Variants in RNF216 observed in about 807,000 individuals in gnomAD.
RNF216 encodes the protein ring finger protein 216.
In RNF216, 72 loss-of-function variants were observed where a neutral mutation model predicts 110.8. The ratio of observed to expected loss-of-function variants is 0.65; its 90% CI spans 0.54 to 0.79. The LOEUF is 0.79. RNF216 is among the 30% of genes least tolerant of loss of function. RNF216 has a pLI of 0.00. For missense variants in RNF216, 1,342 were observed against 1,141.2 expected (o/e 1.18, Z -2.54); for synonymous variants, 495 against 407.5 (o/e 1.21, Z -2.59).
At chr7:5,694,530 C>G (rs188152813) in intron 13 of RNF216, among the ~76,000 whole-genome samples, 1 of 152,230 alleles carries the variant, frequency 6.6e-6, no homozygotes, top group Non-Finnish European at 1.5e-5. Context: ...GTTCCAACAT[C>G]TGCTATGAGA....
In RNF216 at chr7:5,696,085, G is replaced by T. The variant is rs796295701; in HGVS notation, c.2061+15676C>A. ...TTGATCCCTGACTCCCAGGAGGCACGGAAGGACAAGAAAGCAGCCACCAGC... is the reference window on the plus strand; with the variant it reads ...TTGATCCCTGACTCCCAGGAGGCACTGAAGGACAAGAAAGCAGCCACCAGC... On this transcript the variant is annotated intron_variant, in intron 13 of 16. Coordinates refer to ENST00000389902, the MANE Select transcript of RNF216 (RefSeq NM_207111.4). The surrounding 1 kb of genome is among the most constrained non-coding windows in gnomAD (Gnocchi z 5.4). 4.7e-4 allele frequency among the ~76,000 whole-genome samples: 72 copies of T among 152,262 alleles called. No individual in the cohort carries two copies. The highest frequency in any genetic ancestry group is 1.7e-3 in the African/African-American group (71 of 41,550).
chr7:5,767,868 G>C (rs1796286021), intron 1 of RNF216, among the ~76,000 whole-genome samples: 1 of 152,088 alleles, frequency 6.6e-6, no homozygotes, highest in African/African-American at 2.4e-5. Context: ...CAAAGTACTG[G>C]GATTACAGGC....
Position 5,752,996 on chromosome 7 carries a change from A to T in RNF216, c.68-17T>A, listed in dbSNP as rs1795412754. ...TGATCCACTCTACAGGAAAGCAGAG[A>T]ACACTGTTACTGGGAGGTTGGCACT... On this transcript the variant is annotated splice_polypyrimidine_tract_variant and intron_variant, in intron 2 of 16. Transcript: ENST00000389902. 2 of 1,601,816 alleles carry T rather than the reference A, an allele frequency of 1.2e-6. No homozygotes were observed. Among genetic ancestry groups the T allele is most frequent in the Non-Finnish European group, 8.5e-7 (1 of 1,175,310 alleles).
chr7:5,737,966 T>C (rs1794524435), intron 5 of RNF216, among the ~76,000 whole-genome samples: 1 of 151,618 alleles, frequency 6.6e-6, no homozygotes, highest in African/African-American at 2.4e-5. Flanking sequence ...AGTACGCCTG[T>C]AATGCCAGCT....
Position 5,741,562 on chromosome 7 carries a change from G to C in RNF216, c.455C>G (p.Thr152Arg). 1 of 1,614,126 alleles carries C rather than the reference G, an allele frequency of 6.2e-7. No individual in the cohort carries two copies. The highest frequency in any genetic ancestry group is 2.2e-5 in the East Asian group (1 of 44,876). The change falls in exon 4 of 17, where the codon ACA (threonine) becomes AGA (arginine). Residue 152 changes from threonine (T) to arginine (R), a missense_variant. By Grantham distance (71) the Thr-to-Arg change is moderately conservative. Transcript: ENST00000389902. The stretch of plus-strand genomic sequence containing the variant: ...CGGTCCAGGCTTGGGTTCTCTTTCT[G>C]TTTGGCCACTTGGCTTAGTGAATTC... Reference protein sequence around the residue: ...ISEFTKPSGQTEREPKPGPSH... With the variant: ...ISEFTKPSGQREREPKPGPSH...
At chr7:5,644,116 G>C (rs1048489985) in intron 14 of RNF216, among the ~76,000 whole-genome samples, 7 of 151,542 alleles carry the variant, frequency 4.6e-5, no homozygotes, top group Non-Finnish European at 8.8e-5. Context: ...TTTGCTTTTT[G>C]GCTGGTGTGA....
chr7:5,770,024 CAAAAAAAAAAAAAAAA>C (rs1163710982), intron 1 of RNF216, among the ~76,000 whole-genome samples: 121 of 24,146 alleles, frequency 5.0e-3, no homozygotes, highest in African/African-American at 0.021. Flanking sequence ...AGACCCATCT[CAAAAAAAAAAAAAAAA>C]AAAAAAAAAA....
chr7:5,761,792 A>G (rs1795949347), intron 1 of RNF216, among the ~76,000 whole-genome samples: 1 of 152,184 alleles, frequency 6.6e-6, no homozygotes, highest in African/African-American at 2.4e-5. Flanking sequence ...TCACAAAAAA[A>G]AAAAAAAGGA....
chr7:5,756,112 T>C (rs1032213696), intron 2 of RNF216, among the ~76,000 whole-genome samples: 1 of 151,610 alleles, frequency 6.6e-6, no homozygotes. Context: ...GCTCTCGTGA[T>C]AGTGAGTGAG....
intron 13 of RNF216, among the ~76,000 whole-genome samples, chr7:5,658,438 C>T (rs1046425486): frequency 9.9e-5 from 15 of 152,030 alleles, no homozygotes; most frequent in African/African-American, 3.6e-4. Context: ...GGGCAGATCA[C>T]GTAAGCCCAG....
chr7:5,698,807 C>A (rs998216331), intron 13 of RNF216, among the ~76,000 whole-genome samples: 2 of 152,192 alleles, frequency 1.3e-5, no homozygotes, highest in Non-Finnish European at 2.9e-5. Flanking sequence ...AGGAAACCTT[C>A]CCTCCTCTAG....
intron 14 of RNF216, among the ~76,000 whole-genome samples, chr7:5,648,038 G>A (rs1434248547): frequency 2.0e-5 from 3 of 152,002 alleles, no homozygotes; most frequent in Non-Finnish European, 4.4e-5. Flanking sequence ...AATTTGAGAT[G>A]CACAGAGCCA....
intron 11 of RNF216, 123 bp from the exon 12 acceptor site, chr7:5,712,986 C>A: frequency 1.1e-6 from 1 of 889,794 alleles, no homozygotes; most frequent in South Asian, 1.9e-5. Context: ...GCCTGTTCAT[C>A]TCTGAGAAAT....
Position 5,624,658 on chromosome 7 carries a change from G to A in RNF216, c.2383-533C>T, listed in dbSNP as rs867163822. On this transcript the variant is annotated intron_variant, in intron 15 of 16. Coordinates refer to ENST00000389902, the MANE Select transcript of RNF216 (RefSeq NM_207111.4). This position sits in a 1 kb window ranked among gnomAD's most constrained non-coding sequence, Gnocchi z 4.4. ...GGCCTCGGGGAGAGGAGGAAGGTGC[G>A]ACAGTGAGGATGGTCCCCCTCGGAC... is the stretch of plus-strand genomic sequence containing the variant. Among the ~76,000 whole-genome samples, 4 of 152,250 alleles carry A rather than the reference G, an allele frequency of 2.6e-5. No individual in the cohort carries two copies. The highest frequency in any genetic ancestry group is 4.1e-4 in the South Asian group (2 of 4,832).
At chr7:5,633,794 G>A (rs75943063) in intron 15 of RNF216, among the ~76,000 whole-genome samples, 2,249 of 152,212 alleles carry the variant, frequency 0.015, 47 homozygotes, top group African/African-American at 0.051. Context: ...CAAGCACCCG[G>A]CCTTTCCAGA....
chr7:5,674,464 T>C, intron 13 of RNF216, among the ~76,000 whole-genome samples: 1 of 145,532 alleles, frequency 6.9e-6, no homozygotes, highest in Non-Finnish European at 1.5e-5. Flanking sequence ...GCCCTACATC[T>C]CTTAAAAAAA....
chr7:5,750,711 T>C (rs778132195), intron 3 of RNF216, among the ~76,000 whole-genome samples: 4 of 152,292 alleles, frequency 2.6e-5, no homozygotes, highest in East Asian at 1.9e-4. Flanking sequence ...GCAAACCACA[T>C]TGGAGCAAGA....
intron 13 of RNF216, among the ~76,000 whole-genome samples, chr7:5,674,770 C>G (rs369357994): frequency 6.6e-6 from 1 of 152,170 alleles, no homozygotes; most frequent in East Asian, 1.9e-4. Context: ...CCGAGGTTGG[C>G]AGATCACCTG....
chr7:5,656,478 C>T (rs1446378495), intron 13 of RNF216, among the ~76,000 whole-genome samples: 1 of 152,152 alleles, frequency 6.6e-6, no homozygotes, highest in Admixed American at 6.5e-5. Flanking sequence ...CTTTCTATCC[C>T]CTTGTGCCTT....
Sources: allele counts gnomAD v4.1 joint callset (sites outside exome capture counted in the v4.1 genomes callset), GRCh38; gene constraint gnomAD v4.1.1; non-coding constraint Gnocchi (gnomAD v3.1); transcripts MANE v1.5; gene names NCBI Gene and HGNC (gene_info 2026-07-23, HGNC 2026-07-21).